Variants in GLCCI1 observed in about 807,000 individuals in gnomAD.
The protein encoded by GLCCI1 is glucocorticoid-induced transcript 1 protein.
GLCCI1 carries 24 observed loss-of-function variants against 52.2 expected under a neutral mutation model. The observed-to-expected ratio is 0.46, with a 90% confidence interval of 0.33 to 0.65. GLCCI1 has a LOEUF of 0.65. Among genes scored for constraint, GLCCI1 ranks in the 30% least tolerant of loss-of-function variants. The pLI, the probability that GLCCI1 is intolerant of heterozygous loss-of-function variation, is 0.02. For missense variants in GLCCI1, 704 were observed against 701.5 expected (o/e 1.00, Z -0.04); for synonymous variants, 310 against 276.5 (o/e 1.12, Z -1.20).
At chr7:8,014,708 T>A (rs1327915018) in intron 2 of GLCCI1, among the ~76,000 whole-genome samples, 3 of 152,218 alleles carry the variant, frequency 2.0e-5, no homozygotes, top group African/African-American at 7.2e-5. Context: ...GTTTTTGGAT[T>A]GTAGCACTTT....
rs563711336 is a variant in GLCCI1 at position 8,035,961 on chromosome 7, A to T, written c.696+13392A>T. ...TTTAGCTCTACCCAGCTTTGTCCCCATCAGGGGCTGAGCAGAGATCTCAGG... is the reference window on the plus strand; with the variant it reads ...TTTAGCTCTACCCAGCTTTGTCCCCTTCAGGGGCTGAGCAGAGATCTCAGG... On this transcript the variant is annotated intron_variant, in intron 3 of 7. Transcript: ENST00000223145. Among the ~76,000 whole-genome samples the T allele has an allele frequency of 1.1e-4, 16 of 152,306 alleles. No individual in the cohort carries two copies. In the South Asian group the frequency reaches 2.7e-3, roughly 26 times the overall value.
chr7:7,972,026 T>C (rs917922953), intron 1 of GLCCI1, among the ~76,000 whole-genome samples: 3 of 152,208 alleles, frequency 2.0e-5, no homozygotes, highest in Non-Finnish European at 4.4e-5. Flanking sequence ...ATGTCCCGCC[T>C]TTTACCCCCA....
chr7:8,086,110 T>G lies in GLCCI1; in HGVS notation c.1299-83T>G, dbSNP rs1166582537. 4 of 1,194,392 alleles carry G rather than the reference T, an allele frequency of 3.3e-6. No individual in the cohort carries two copies. The highest frequency in any genetic ancestry group is 4.3e-5 in the Admixed American group (2 of 46,024). 74.0% of individuals were successfully genotyped at this position (1,194,392 alleles called of 1,614,324 possible). A position where few individuals can be genotyped will look rare whatever the true frequency, so the allele number is the denominator to read the frequency against. On this transcript the variant is annotated intron_variant, in intron 7 of 7. Coordinates refer to ENST00000223145, the MANE Select transcript of GLCCI1 (RefSeq NM_138426.4). The surrounding 1 kb of genome is among the most constrained non-coding windows in gnomAD (Gnocchi z 4.4). Reference sequence around the variant, plus strand: ...TCCTGCCATTTACATTTTAGCTGTTTTAGAGAACTCCAGTTAATTCAGAAA... The same window carrying G: ...TCCTGCCATTTACATTTTAGCTGTTGTAGAGAACTCCAGTTAATTCAGAAA...
chr7:8,053,224 C>G (rs1362791553), intron 3 of GLCCI1, among the ~76,000 whole-genome samples: 2 of 151,120 alleles, frequency 1.3e-5, no homozygotes, highest in Non-Finnish European at 2.9e-5. Flanking sequence ...GCTTATTACT[C>G]TCTCTATAGT....
At chr7:8,041,672 G>T (rs1194034357) in intron 3 of GLCCI1, among the ~76,000 whole-genome samples, 1 of 152,092 alleles carries the variant, frequency 6.6e-6, no homozygotes, top group Non-Finnish European at 1.5e-5. Flanking sequence ...GTAGCTCACT[G>T]CAGCTGCAGC....
At chr7:7,998,335 C>A (rs1780984285) in intron 1 of GLCCI1, among the ~76,000 whole-genome samples, 1 of 152,078 alleles carries the variant, frequency 6.6e-6, no homozygotes, top group South Asian at 2.1e-4. Context: ...CCTGCCTCAG[C>A]CTCCTGAGTA....
intron 1 of GLCCI1, among the ~76,000 whole-genome samples, chr7:7,986,613 A>G (rs1037930153): frequency 7.2e-5 from 11 of 152,318 alleles, no homozygotes; most frequent in South Asian, 2.1e-4. Flanking sequence ...TTTACTCTAT[A>G]TAATTGCAAG....
chr7:8,014,933 A>T (rs1781345483), intron 2 of GLCCI1, among the ~76,000 whole-genome samples: 2 of 152,216 alleles, frequency 1.3e-5, no homozygotes, highest in Admixed American at 6.5e-5. Context: ...ACTGTGAAAC[A>T]TGAGACATGC....
At chr7:7,973,413 C>T (rs202164075) in intron 1 of GLCCI1, among the ~76,000 whole-genome samples, 2,513 of 147,660 alleles carry the variant, frequency 0.017, 46 homozygotes, top group African/African-American at 0.047. Context: ...TCTTTGTGTG[C>T]GTGTGTGTGT....
chr7:8,020,159 A>G (rs945769824), intron 2 of GLCCI1, among the ~76,000 whole-genome samples: 1 of 152,036 alleles, frequency 6.6e-6, no homozygotes, highest in African/African-American at 2.4e-5. Flanking sequence ...TTATTTATTT[A>G]TTTGTTTATT....
chr7:7,992,048 T>C lies in GLCCI1; in HGVS notation c.458-11860T>C, dbSNP rs200270690. On this transcript the variant is annotated intron_variant, in intron 1 of 7. Transcript: ENST00000223145. ...GAGGAATATTAGAATTTATTTTTTC[T>C]TTCTTTCTTTCTTTCTTTCTTTCTT... Among the ~76,000 whole-genome samples the C allele has an allele frequency of 1.7e-4, 7 of 41,740 alleles. No homozygotes were observed. The East Asian group carries it at 2.5e-3, about 15-fold the overall frequency. The allele number at this position is 41,740 out of a possible 152,430, so 27.4% of individuals were successfully genotyped here.
At chr7:8,006,744 C>T (rs541325212) in intron 2 of GLCCI1, among the ~76,000 whole-genome samples, 3 of 152,300 alleles carry the variant, frequency 2.0e-5, no homozygotes, top group African/African-American at 7.2e-5. Context: ...TCAGATTCTT[C>T]AGAGTTACAT....
intron 1 of GLCCI1, among the ~76,000 whole-genome samples, chr7:7,995,563 AT>A (rs1308354923): frequency 1.3e-5 from 2 of 152,210 alleles, no homozygotes; most frequent in Non-Finnish European, 2.9e-5. Context: ...ATGGAATACT[AT>A]GCAGCCATAA....
intron 2 of GLCCI1, among the ~76,000 whole-genome samples, chr7:8,011,846 C>T (rs764613201): frequency 1.4e-4 from 21 of 151,920 alleles, no homozygotes; most frequent in South Asian, 4.2e-4. Flanking sequence ...GATGGAGTCT[C>T]GCTGTGTCGC....
intron 1 of GLCCI1, among the ~76,000 whole-genome samples, chr7:7,976,095 A>G (rs911849693): frequency 1.2e-4 from 18 of 152,182 alleles, no homozygotes; most frequent in Non-Finnish European, 2.2e-4. Flanking sequence ...AGAATCTGCA[A>G]TTTGTGGGTT....
intron 3 of GLCCI1, among the ~76,000 whole-genome samples, chr7:8,045,175 G>A (rs1247280901): frequency 1.3e-5 from 2 of 152,250 alleles, no homozygotes; most frequent in African/African-American, 4.8e-5. Context: ...TTTACCCAAC[G>A]GTTCCAGTGT....
rs1294591625 is a variant in GLCCI1 at position 8,038,075 on chromosome 7, A to G, written c.696+15506A>G. On this transcript the variant is annotated intron_variant, in intron 3 of 7. Transcript: ENST00000223145. The stretch of plus-strand genomic sequence containing the variant: ...AATTTACAGAATATTCACAGCAGCC[A>G]TAGAATATACATTCTTCTCATTAGT... 2.0e-5 allele frequency among the ~76,000 whole-genome samples: 3 copies of G among 152,228 alleles called. No homozygotes were observed. The East Asian group carries it at 5.8e-4, about 29-fold the overall frequency.
At chr7:7,988,398 C>T (rs937772443) in intron 1 of GLCCI1, among the ~76,000 whole-genome samples, 3 of 152,040 alleles carry the variant, frequency 2.0e-5, no homozygotes, top group African/African-American at 4.8e-5. Context: ...TAAGAACTTT[C>T]GAATAAGTTA....
chr7:8,038,975 A>C (rs191257203), intron 3 of GLCCI1, among the ~76,000 whole-genome samples: 2 of 152,346 alleles, frequency 1.3e-5, no homozygotes, highest in African/African-American at 4.8e-5. Context: ...ATTTTTCAAA[A>C]GAAAACATGC....
Sources: allele counts gnomAD v4.1 joint callset (sites outside exome capture counted in the v4.1 genomes callset), GRCh38; gene constraint gnomAD v4.1.1; non-coding constraint Gnocchi (gnomAD v3.1); transcripts MANE v1.5; gene names NCBI Gene and HGNC (gene_info 2026-07-23, HGNC 2026-07-21).